The following PTPRN2 variants were observed in gnomAD, a reference collection of about 807,000 sequenced individuals.
PTPRN2 encodes receptor-type tyrosine-protein phosphatase N2.
PTPRN2 carries 74 observed loss-of-function variants against 118.8 expected under a neutral mutation model. The observed-to-expected ratio is 0.62, with a 90% CI of 0.52 to 0.76. The LOEUF is 0.76. PTPRN2 is among the 30% of genes least tolerant of loss of function. The probability of loss-of-function intolerance (pLI) is 0.00; values close to 1 mark genes in which losing one functional copy is unlikely to be tolerated. For synonymous variants in PTPRN2, 641 were observed against 608.0 expected, an observed-to-expected ratio of 1.05 and a Z score of -0.80; for missense variants, 1,481 against 1,394.4, an observed-to-expected ratio of 1.06 and a Z score of -0.99.
chr7:157,656,587 G>A (rs1476913967), intron 13 of PTPRN2, 36 bp from the exon 14 acceptor site: 8 of 1,481,146 alleles, frequency 5.4e-6, no homozygotes, highest in Non-Finnish European at 7.3e-6. Context: ...GGGGGTTAGT[G>A]GCATTGGGGA....
intron 11 of PTPRN2, among the ~76,000 whole-genome samples, chr7:157,982,550 T>G (rs1585134482): frequency 9.6e-6 from 1 of 104,572 alleles, no homozygotes; most frequent in African/African-American, 3.8e-5. Flanking sequence ...GAATGCAGAG[T>G]GCAGGGTCCC....
At chr7:158,040,415 CAA>C (rs375609844) in intron 11 of PTPRN2, among the ~76,000 whole-genome samples, 1,415 of 126,498 alleles carry the variant, frequency 0.011, 24 homozygotes, top group African/African-American at 0.032. Flanking sequence ...CACACACACA[CAA>C]ACACACTGCA....
chr7:158,083,306 A>C (rs1812984898), intron 10 of PTPRN2, among the ~76,000 whole-genome samples: 1 of 152,134 alleles, frequency 6.6e-6, no homozygotes, highest in Non-Finnish European at 1.5e-5. Context: ...ATGGTTTTCT[A>C]AAATTAAGAG....
intron 22 of PTPRN2, among the ~76,000 whole-genome samples, chr7:157,546,583 C>T (rs1041030552): frequency 2.6e-5 from 4 of 152,240 alleles, no homozygotes; most frequent in African/African-American, 9.6e-5. Flanking sequence ...CCAGCCCCAT[C>T]CATGTCGCTG....
At chr7:157,724,976 A>C (rs1009656869) in intron 12 of PTPRN2, among the ~76,000 whole-genome samples, 4 of 152,260 alleles carry the variant, frequency 2.6e-5, no homozygotes, top group Admixed American at 6.5e-5. Flanking sequence ...AGATAATATT[A>C]ACTAAATTTT....
intron 5 of PTPRN2, among the ~76,000 whole-genome samples, chr7:158,183,041 A>C (rs1371962401): frequency 6.6e-6 from 1 of 152,176 alleles, no homozygotes; most frequent in Non-Finnish European, 1.5e-5. Flanking sequence ...ATCATCATTT[A>C]ATGACCTTCT....
At chr7:157,901,198 T>C (rs1395292543) in intron 11 of PTPRN2, among the ~76,000 whole-genome samples, 1 of 152,204 alleles carries the variant, frequency 6.6e-6, no homozygotes, top group Non-Finnish European at 1.5e-5. Context: ...ACCTCCACCC[T>C]GGGAGGGCAT....
intron 12 of PTPRN2, among the ~76,000 whole-genome samples, chr7:157,804,867 C>T (rs776384271): frequency 1.2e-4 from 18 of 152,350 alleles, no homozygotes; most frequent in South Asian, 4.1e-4. Context: ...GCCTCACTCA[C>T]GAGAGAAGGC....
At chr7:158,514,933 G>C (rs180843813) in intron 1 of PTPRN2, among the ~76,000 whole-genome samples, 5 of 152,126 alleles carry the variant, frequency 3.3e-5, no homozygotes, top group African/African-American at 1.2e-4. Context: ...TCATCATGAG[G>C]CCTCTGCAGA....
intron 12 of PTPRN2, among the ~76,000 whole-genome samples, chr7:157,891,603 T>C (rs1796814330): frequency 6.6e-6 from 1 of 151,682 alleles, no homozygotes; most frequent in African/African-American, 2.4e-5. Context: ...AAATTCACAT[T>C]TTTCATGGGG....
chr7:158,389,141 G>A (rs780554123), intron 2 of PTPRN2, among the ~76,000 whole-genome samples: 1 of 152,194 alleles, frequency 6.6e-6, no homozygotes, highest in Non-Finnish European at 1.5e-5. Flanking sequence ...GCGTCCGAAG[G>A]GCCACACCTG....
intron 2 of PTPRN2, among the ~76,000 whole-genome samples, chr7:158,474,664 G>C (rs147788091): frequency 4.6e-5 from 7 of 152,212 alleles, no homozygotes; most frequent in African/African-American, 1.4e-4. Flanking sequence ...GCTAAGAGGC[G>C]GGTGCCCGTC....
intron 6 of PTPRN2, among the ~76,000 whole-genome samples, chr7:158,154,812 T>C (rs563247107): frequency 1.7e-3 from 258 of 152,236 alleles, no homozygotes; most frequent in African/African-American, 5.9e-3. Flanking sequence ...GGGAGAACAG[T>C]TAATGCATAC....
intron 17 of PTPRN2, among the ~76,000 whole-genome samples, chr7:157,579,505 AAC>A (rs1453868840): frequency 2.0e-5 from 3 of 152,218 alleles, no homozygotes; most frequent in African/African-American, 7.2e-5. Flanking sequence ...AATGAGGAGA[AAC>A]ACAGATTTTA....
intron 9 of PTPRN2, among the ~76,000 whole-genome samples, chr7:158,129,230 CACG>C (rs1817957959): frequency 6.7e-6 from 1 of 149,224 alleles, no homozygotes; most frequent in Non-Finnish European, 1.5e-5. Flanking sequence ...GCACACCACA[CACG>C]ACACACAACA....
chr7:158,314,026 G>A (rs543217646), intron 3 of PTPRN2, among the ~76,000 whole-genome samples: 1 of 150,676 alleles, frequency 6.6e-6, no homozygotes, highest in South Asian at 2.1e-4. Context: ...CGGAGCCCTT[G>A]TGGCACTAGC....
chr7:158,351,382 C>T (rs762842999), intron 2 of PTPRN2, among the ~76,000 whole-genome samples: 23 of 152,174 alleles, frequency 1.5e-4, no homozygotes, highest in Non-Finnish European at 2.5e-4. Context: ...TTGTTGGGCA[C>T]AGTCTAAGCC....
intron 2 of PTPRN2, among the ~76,000 whole-genome samples, chr7:158,458,737 C>T (rs1448491768): frequency 6.6e-6 from 1 of 152,134 alleles, no homozygotes; most frequent in Non-Finnish European, 1.5e-5. Flanking sequence ...AAGCCGGTAC[C>T]CCCATAACAC....
chr7:158,322,071 T>C (rs1411773443), intron 2 of PTPRN2, among the ~76,000 whole-genome samples: 1 of 152,198 alleles, frequency 6.6e-6, no homozygotes, highest in Non-Finnish European at 1.5e-5. Context: ...TCATCATCTC[T>C]GTCCCCAGCA....
Sources: gnomAD v4.1 joint callset for allele counts (sites outside exome capture counted in the v4.1 genomes callset) on GRCh38, gnomAD v4.1.1 for gene constraint, MANE v1.5 for transcripts, NCBI Gene and HGNC (gene_info 2026-07-23, HGNC 2026-07-21) for gene names.